The following NEK7 variants were observed in gnomAD, a reference collection of about 807,000 sequenced individuals.
The protein encoded by NEK7 is NIMA related kinase 7.
A neutral mutation model predicts 44.6 loss-of-function variants in NEK7; 18 were observed. That is an observed-to-expected ratio of 0.40 (90% CI 0.28 to 0.60). The LOEUF is 0.60. NEK7 is among the 20% of genes least tolerant of loss of function. The pLI is 0.38. For synonymous variants in NEK7, 130 were observed against 121.1 expected (o/e 1.07, Z -0.48); for missense variants, 256 against 366.5 (o/e 0.70, Z 2.46).
chr1:198,302,353 C>CT (rs76569998), intron 9 of NEK7, among the ~76,000 whole-genome samples: 193 of 139,170 alleles, frequency 1.4e-3, no homozygotes, highest in Middle Eastern at 3.8e-3. Context: ...TGTCCCTCTC[C>CT]TTTTTTTTTT....
intron 1 of NEK7, among the ~76,000 whole-genome samples, chr1:198,211,710 C>T (rs1008053327): frequency 7.2e-5 from 11 of 152,014 alleles, no homozygotes; most frequent in Non-Finnish European, 1.2e-4. Context: ...AAAAAAAATG[C>T]AGTTTTTTTT....
At chr1:198,305,725 G>A (rs1655005365) in intron 9 of NEK7, among the ~76,000 whole-genome samples, 1 of 152,134 alleles carries the variant, frequency 6.6e-6, no homozygotes, top group East Asian at 1.9e-4. Flanking sequence ...AAGTAGGCCT[G>A]TGTCTTATTG....
intron 1 of NEK7, among the ~76,000 whole-genome samples, chr1:198,225,758 TCTC>T (rs550974086): frequency 7.1e-4 from 108 of 152,312 alleles, no homozygotes; most frequent in Non-Finnish European, 1.4e-3. Context: ...TCTTTCCTCT[TCTC>T]AGAATTCCTC....
intron 1 of NEK7, among the ~76,000 whole-genome samples, chr1:198,191,461 T>C (rs974936465): frequency 1.3e-5 from 2 of 152,052 alleles, no homozygotes; most frequent in Admixed American, 6.6e-5. Flanking sequence ...TTAATGTCTT[T>C]TGCCAGTTAA....
intron 1 of NEK7, among the ~76,000 whole-genome samples, chr1:198,170,136 G>A (rs1664393821): frequency 6.6e-6 from 1 of 152,204 alleles, no homozygotes; most frequent in East Asian, 1.9e-4. Flanking sequence ...TCTGTGAATG[G>A]TCACTGTCAG....
At chr1:198,195,596 G>A (rs1167791525) in intron 1 of NEK7, among the ~76,000 whole-genome samples, 6 of 152,198 alleles carry the variant, frequency 3.9e-5, no homozygotes, top group East Asian at 1.9e-4. Context: ...CGAGGTGGCC[G>A]GATCACCTGA....
chr1:198,310,713 T>G (rs1202417298), intron 9 of NEK7, among the ~76,000 whole-genome samples: 1 of 152,122 alleles, frequency 6.6e-6, no homozygotes, highest in Non-Finnish European at 1.5e-5. Flanking sequence ...CTTTCCCCAT[T>G]GCTTGTTTTT....
At chr1:198,291,970 A>C (rs1218586477) in intron 7 of NEK7, among the ~76,000 whole-genome samples, 1 of 152,114 alleles carries the variant, frequency 6.6e-6, no homozygotes, top group Non-Finnish European at 1.5e-5. Flanking sequence ...GGTCTTGAAA[A>C]TTAATAGAAA....
chr1:198,184,786 G>A (rs1036061001), intron 1 of NEK7, among the ~76,000 whole-genome samples: 10 of 151,706 alleles, frequency 6.6e-5, no homozygotes, highest in African/African-American at 1.5e-4. Flanking sequence ...CTCTTGCTTC[G>A]GCCTCCCAAG....
intron 2 of NEK7, among the ~76,000 whole-genome samples, chr1:198,234,082 T>C (rs57211553): frequency 0.13 from 19,421 of 152,054 alleles, 1,906 homozygotes; most frequent in African/African-American, 0.26. Context: ...GGGAAAGGAC[T>C]GTGTCTTATT....
At chr1:198,269,461 GA>G (rs897683591) in intron 5 of NEK7, among the ~76,000 whole-genome samples, 4 of 151,560 alleles carry the variant, frequency 2.6e-5, no homozygotes, top group Admixed American at 6.6e-5. Flanking sequence ...ATTATATCAG[GA>G]AAAAAAATCA....
rs114645784 is a variant in NEK7 at position 198,182,537 on chromosome 1, C to T, written c.-29+25261C>T. Among the ~76,000 whole-genome samples the T allele has an allele frequency of 4.6e-3, 696 of 152,142 alleles. 6 individuals are homozygous for T. Among genetic ancestry groups the T allele is most frequent in the African/African-American group, 0.016 (651 of 41,500 alleles). On this transcript the variant is annotated intron_variant, in intron 1 of 9. Coordinates refer to ENST00000367385, the MANE Select transcript of NEK7 (RefSeq NM_133494.3). ...TCTGGTTTGTATTCTTGCTGCCAGG[C>T]CTGTGGCCATTGATTTCTACATGTA...
At chr1:198,294,719 A>C (rs140721077) in intron 8 of NEK7, among the ~76,000 whole-genome samples, 1 of 152,154 alleles carries the variant, frequency 6.6e-6, no homozygotes, top group African/African-American at 2.4e-5. Flanking sequence ...AATAAAAATA[A>C]CATCTTTGGA....
chr1:198,270,371 A>G (rs1653797405), intron 5 of NEK7, among the ~76,000 whole-genome samples: 1 of 152,024 alleles, frequency 6.6e-6, no homozygotes, highest in African/African-American at 2.4e-5. Flanking sequence ...CAATAAAACA[A>G]AATGTAACCT....
At position 198,319,660 on chromosome 1, in the gene NEK7, G is replaced by A; in HGVS notation, c.*138G>A. 1 of 1,061,064 alleles carries A rather than the reference G, an allele frequency of 9.4e-7. No individual in the cohort carries two copies. Among genetic ancestry groups the A allele is most frequent in the Non-Finnish European group, 1.2e-6 (1 of 806,254 alleles). The allele number at this position is 1,061,064 out of a possible 1,614,324, so 65.7% of individuals were successfully genotyped here. ...GAATCCTTAACCAGTTTTCATATAA[G>A]CTTCATTTTGTACCAGTCACCTAAA... On this transcript the variant is annotated 3_prime_UTR_variant, in exon 10 of 10. Coordinates refer to ENST00000367385, the MANE Select transcript of NEK7 (RefSeq NM_133494.3).
intron 9 of NEK7, among the ~76,000 whole-genome samples, chr1:198,317,258 A>G (rs1206770753): frequency 6.6e-6 from 1 of 152,226 alleles, no homozygotes; most frequent in African/African-American, 2.4e-5. Context: ...GTGGGGAAGG[A>G]AAAGCAAACT....
chr1:198,211,762 C>G (rs1395375571), intron 1 of NEK7, among the ~76,000 whole-genome samples: 1 of 151,842 alleles, frequency 6.6e-6, no homozygotes, highest in East Asian at 1.9e-4. Context: ...CATGCCTTTT[C>G]CACTTCGAAA....
Position 198,296,924 on chromosome 1 carries a change from GA to G in NEK7, c.685-195del, listed in dbSNP as rs372899883. Among the ~76,000 whole-genome samples, 300 of 151,688 alleles carry G rather than the reference GA, an allele frequency of 2.0e-3. 1 individual carries two copies. Among genetic ancestry groups the G allele is most frequent in the African/African-American group, 7.0e-3 (289 of 41,352 alleles). On this transcript the variant is annotated intron_variant, in intron 8 of 9. Transcript: ENST00000367385. ...CTATTTTAGGGAATTTTAAATGTTG[GA>G]AAAAAAATAACCAAAAGTTGCAGTA... is the stretch of plus-strand genomic sequence containing the variant.
intron 1 of NEK7, among the ~76,000 whole-genome samples, chr1:198,191,963 C>T (rs1316545736): frequency 6.6e-6 from 1 of 152,018 alleles, no homozygotes; most frequent in Non-Finnish European, 1.5e-5. Context: ...CAATGTTCTC[C>T]CTGTCTTTTC....
Sources: allele counts gnomAD v4.1 joint callset (sites outside exome capture counted in the v4.1 genomes callset), GRCh38; gene constraint gnomAD v4.1.1; transcripts MANE v1.5; gene names NCBI Gene and HGNC (gene_info 2026-07-23, HGNC 2026-07-21).